Variants in SLC38A4 observed in about 807,000 individuals in gnomAD.
SLC38A4 encodes sodium-coupled neutral amino acid transporter 4.
SLC38A4 carries 20 observed loss-of-function variants against 63.1 expected under a neutral mutation model. The ratio of observed to expected loss-of-function variants is 0.32; its 90% confidence interval spans 0.22 to 0.46. The LOEUF (loss-of-function observed/expected upper bound fraction) is 0.46, where lower values mean the gene tolerates loss of function less well. Among genes scored for constraint, SLC38A4 ranks in the 20% least tolerant of loss-of-function variants. The pLI, the probability that SLC38A4 is intolerant of heterozygous loss-of-function variation, is 1.00. For synonymous variants in SLC38A4, 230 were observed against 225.5 expected (o/e 1.02, Z -0.18); for missense variants, 526 against 663.6 (o/e 0.79, Z 2.28).
At chr12:46,806,840 G>A (rs929772181) in intron 1 of SLC38A4, among the ~76,000 whole-genome samples, 2 of 151,856 alleles carry the variant, frequency 1.3e-5, no homozygotes, top group South Asian at 4.2e-4. Flanking sequence ...AAGAATGTTG[G>A]CTCAAAATAC....
At chr12:46,826,917 T>C (rs1343625897), upstream of SLC38A4, among the ~76,000 whole-genome samples, 1 of 152,232 alleles carries the variant, frequency 6.6e-6, no homozygotes, top group African/African-American at 2.4e-5. Flanking sequence ...TTGAAGAATA[T>C]TTTCTGTCAA....
chr12:46,781,994 T>A (rs1225924800), intron 7 of SLC38A4, among the ~76,000 whole-genome samples: 1 of 152,036 alleles, frequency 6.6e-6, no homozygotes, highest in African/African-American at 2.4e-5. Flanking sequence ...GGGGCTAATA[T>A]GCATATGGCT....
rs1261265841 is a variant in SLC38A4 at position 46,775,041 on chromosome 12, G to T, written c.1299+8C>A. 1 of 1,611,824 alleles carries T rather than the reference G, an allele frequency of 6.2e-7. No individual in the cohort carries two copies. The highest frequency in any genetic ancestry group is 1.1e-5 in the South Asian group (1 of 90,764). ...TAGGTTTCTTTCATCAAAGTCTTAT[G>T]TACTTACTGGGAAGAGGACAATGGG... On this transcript the variant is annotated splice_region_variant and intron_variant, in intron 14 of 16. Coordinates refer to ENST00000266579, the MANE Select transcript of SLC38A4 (RefSeq NM_018018.5).
rs567700743 is a variant in SLC38A4 at position 46,783,273 on chromosome 12, A to G, written c.493+1269T>C. On this transcript the variant is annotated intron_variant, in intron 7 of 16. Transcript: ENST00000266579. ...GATAGATAGATAGATAGATAGATAG[A>G]TAAAGATAGATAGATATGGGCATTG... Among the ~76,000 whole-genome samples, 5 of 144,840 alleles carry G rather than the reference A, an allele frequency of 3.5e-5. No homozygotes were observed. The East Asian group carries it at 8.0e-4, about 23-fold the overall frequency.
At chr12:46,810,556 A>T (rs1454098160) in intron 1 of SLC38A4, among the ~76,000 whole-genome samples, 1 of 151,298 alleles carries the variant, frequency 6.6e-6, no homozygotes, top group Non-Finnish European at 1.5e-5. Flanking sequence ...AAATAAATAA[A>T]TAAAATAAAA....
chr12:46,771,711 G>A (rs529824738), intron 14 of SLC38A4, among the ~76,000 whole-genome samples: 2 of 152,214 alleles, frequency 1.3e-5, no homozygotes, highest in East Asian at 3.9e-4. Flanking sequence ...GAAAAGATCA[G>A]GAAGGAAACT....
At chr12:46,768,677 G>C (rs1426095102) in intron 15 of SLC38A4, among the ~76,000 whole-genome samples, 5 of 152,050 alleles carry the variant, frequency 3.3e-5, no homozygotes, top group Non-Finnish European at 7.4e-5. Flanking sequence ...CAAATTTACA[G>C]GGGATTAGTA....
At chr12:46,785,907 A>G (rs760674105) in intron 5 of SLC38A4, among the ~76,000 whole-genome samples, 3 of 151,954 alleles carry the variant, frequency 2.0e-5, no homozygotes, top group Non-Finnish European at 4.4e-5. Flanking sequence ...TAAATGGAGG[A>G]GCAATGCTGC....
At chr12:46,822,827 A>C (rs758397469) in intron 1 of SLC38A4, among the ~76,000 whole-genome samples, 4 of 152,154 alleles carry the variant, frequency 2.6e-5, no homozygotes, top group Non-Finnish European at 4.4e-5. Context: ...CCAGATTAAG[A>C]AGTTTAAACT....
chr12:46,778,491 G>C lies in SLC38A4; in HGVS notation c.993+10C>G. ...ACTGTACTCATTAGAAGCCCGGACC[G>C]CTCACTTACCCGGGAGTTGAATACA... On this transcript the variant is annotated intron_variant, in intron 11 of 16. Coordinates refer to ENST00000266579, the MANE Select transcript of SLC38A4 (RefSeq NM_018018.5). 6.2e-7 allele frequency: 1 copy of C among 1,609,960 alleles called. No individual in the cohort carries two copies. Among genetic ancestry groups the C allele is most frequent in the South Asian group, 1.1e-5 (1 of 90,982 alleles).
intron 16 of SLC38A4, among the ~76,000 whole-genome samples, chr12:46,767,507 T>G (rs1938325899): frequency 6.6e-6 from 1 of 151,968 alleles, no homozygotes; most frequent in African/African-American, 2.4e-5. Context: ...AAGGTCACAC[T>G]GCTGTAAAAA....
chr12:46,827,722 T>C (rs1246120541), upstream of SLC38A4, among the ~76,000 whole-genome samples: 1 of 152,074 alleles, frequency 6.6e-6, no homozygotes, highest in Admixed American at 6.5e-5. Flanking sequence ...TTGTGTAAAT[T>C]TTATCTATGC....
intron 15 of SLC38A4, 52 bp from the exon 16 acceptor site, chr12:46,768,459 C>G: frequency 7.5e-7 from 1 of 1,326,254 alleles, no homozygotes; most frequent in Non-Finnish European, 1.1e-6. Context: ...CAGTTCCTAG[C>G]AAAGGAGATG....
chr12:46,819,408 A>T (rs1939499309), intron 1 of SLC38A4, among the ~76,000 whole-genome samples: 1 of 151,894 alleles, frequency 6.6e-6, no homozygotes, highest in Non-Finnish European at 1.5e-5. Flanking sequence ...CCCAGATTTG[A>T]TCATTACACA....
intron 5 of SLC38A4, among the ~76,000 whole-genome samples, chr12:46,785,677 G>T (rs1938743608): frequency 6.6e-6 from 1 of 151,614 alleles, no homozygotes. Flanking sequence ...AGATAGAGGG[G>T]CAGGCAGTTG....
At chr12:46,814,065 T>C (rs1939389861) in intron 1 of SLC38A4, among the ~76,000 whole-genome samples, 1 of 152,082 alleles carries the variant, frequency 6.6e-6, no homozygotes, top group South Asian at 2.1e-4. Flanking sequence ...ACAAGGTTAT[T>C]GTGAGGGTTA....
chr12:46,771,219 T>C (rs1938409261), intron 14 of SLC38A4, among the ~76,000 whole-genome samples: 1 of 152,128 alleles, frequency 6.6e-6, no homozygotes, highest in Non-Finnish European at 1.5e-5. Context: ...AATTAGTGCT[T>C]ATTCAATATT....
At chr12:46,831,791 C>T (rs540682190) in intron 1 of SLC38A4, among the ~76,000 whole-genome samples, 6 of 150,210 alleles carry the variant, frequency 4.0e-5, no homozygotes, top group African/African-American at 1.0e-4. Flanking sequence ...TCGGGTAACA[C>T]CTTGCCAGCA....
intron 1 of SLC38A4, among the ~76,000 whole-genome samples, chr12:46,819,264 C>T (rs1299970999): frequency 1.3e-5 from 2 of 151,488 alleles, no homozygotes; most frequent in Admixed American, 6.6e-5. Context: ...AGTGAGAACC[C>T]TGTTTGGATT....
Sources: gnomAD v4.1 joint callset for allele counts (sites outside exome capture counted in the v4.1 genomes callset) on GRCh38, gnomAD v4.1.1 for gene constraint, MANE v1.5 for transcripts, NCBI Gene and HGNC (gene_info 2026-07-23, HGNC 2026-07-21) for gene names.